Variants in ANKS1B observed in about 807,000 individuals in gnomAD.
ANKS1B encodes the protein ankyrin repeat and sterile alpha motif domain containing 1B.
In ANKS1B, 36 loss-of-function variants were observed where a neutral mutation model predicts 148.3. The ratio of observed to expected loss-of-function variants is 0.24; its 90% CI spans 0.19 to 0.32. The LOEUF (loss-of-function observed/expected upper bound fraction) is 0.32. Among genes scored for constraint, ANKS1B ranks in the 10% least tolerant of loss-of-function variants. The pLI, the probability that ANKS1B is intolerant of heterozygous loss-of-function variation, is 1.00. For synonymous variants in ANKS1B, 542 were observed against 560.8 expected, an observed-to-expected ratio of 0.97 and a Z score of 0.47; for missense variants, 1,157 against 1,542.6, an observed-to-expected ratio of 0.75 and a Z score of 4.19.
chr12:99,115,628 T>TA (rs34984761), intron 15 of ANKS1B, among the ~76,000 whole-genome samples: 1 of 151,054 alleles, frequency 6.6e-6, no homozygotes, highest in African/African-American at 2.4e-5. Context: ...AAATAAAAGT[T>TA]AAAAAAAAAA....
intron 4 of ANKS1B, among the ~76,000 whole-genome samples, chr12:99,782,637 A>G (rs894248958): frequency 2.0e-5 from 3 of 152,208 alleles, no homozygotes; most frequent in African/African-American, 4.8e-5. Flanking sequence ...CTCCTTAAGT[A>G]TAAAATAAGA....
chr12:99,173,877 G>A (rs1475148130), intron 14 of ANKS1B, among the ~76,000 whole-genome samples: 1 of 151,988 alleles, frequency 6.6e-6, no homozygotes. Context: ...TACTGGGATA[G>A]GTATATGACC....
At chr12:99,166,679 T>C (rs1311207489) in intron 14 of ANKS1B, among the ~76,000 whole-genome samples, 1 of 152,080 alleles carries the variant, frequency 6.6e-6, no homozygotes, top group African/African-American at 2.4e-5. Context: ...AACATATCTG[T>C]TCTTCCCAAA....
At chr12:99,955,241 A>T (rs2095299467) in intron 1 of ANKS1B, among the ~76,000 whole-genome samples, 2 of 152,116 alleles carry the variant, frequency 1.3e-5, no homozygotes, top group Admixed American at 6.5e-5. Flanking sequence ...CCCCAGGGTG[A>T]CAATATGGTT....
intron 12 of ANKS1B, among the ~76,000 whole-genome samples, chr12:99,383,960 T>C (rs138794783): frequency 6.6e-6 from 1 of 151,768 alleles, no homozygotes; most frequent in African/African-American, 2.4e-5. Context: ...CGCCTGGAAG[T>C]GTAGGCTGCA....
chr12:99,770,309 G>C (rs929262883), intron 8 of ANKS1B, among the ~76,000 whole-genome samples: 1 of 151,250 alleles, frequency 6.6e-6, no homozygotes, highest in Non-Finnish European at 1.5e-5. Context: ...AGTCTCCTTA[G>C]GATAGGTGTT....
intron 1 of ANKS1B, among the ~76,000 whole-genome samples, chr12:99,844,216 T>C (rs1352029886): frequency 6.6e-6 from 1 of 152,206 alleles, no homozygotes; most frequent in African/African-American, 2.4e-5. Flanking sequence ...CTGATGATAG[T>C]TTCTTTTGCT....
At chr12:99,431,792 T>C (rs1362790566) in intron 11 of ANKS1B, among the ~76,000 whole-genome samples, 1 of 152,180 alleles carries the variant, frequency 6.6e-6, no homozygotes, top group African/African-American at 2.4e-5. Context: ...ATCCTATTCT[T>C]CTCCCTGGAC....
At chr12:98,862,777 T>C (rs1054501389) in intron 17 of ANKS1B, among the ~76,000 whole-genome samples, 3 of 152,134 alleles carry the variant, frequency 2.0e-5, no homozygotes, top group Admixed American at 6.5e-5. Flanking sequence ...ACATGCCCCA[T>C]AAAAAAGCTG....
intron 8 of ANKS1B, among the ~76,000 whole-genome samples, chr12:99,750,956 T>A (rs1032157198): frequency 6.6e-6 from 1 of 152,098 alleles, no homozygotes; most frequent in African/African-American, 2.4e-5. Context: ...TAGCTTATGA[T>A]TATATCACTA....
intron 10 of ANKS1B, among the ~76,000 whole-genome samples, chr12:99,497,351 C>T (rs1041485116): frequency 6.6e-6 from 1 of 152,120 alleles, no homozygotes; most frequent in African/African-American, 2.4e-5. Context: ...TTGGTTGAAT[C>T]CATGGATGTG....
chr12:99,806,743 ATT>A (rs2067670017), intron 3 of ANKS1B, 43 bp from the exon 4 acceptor site: 4 of 1,559,124 alleles, frequency 2.6e-6, no homozygotes, highest in Admixed American at 1.8e-5. Flanking sequence ...CAGAAATTCA[ATT>A]TGTTATCAAA....
chr12:99,297,988 A>G (rs909926394), intron 12 of ANKS1B, among the ~76,000 whole-genome samples: 1 of 151,692 alleles, frequency 6.6e-6, no homozygotes, highest in Non-Finnish European at 1.5e-5. Context: ...GTGTGTCTGT[A>G]CGTGTGGCCT....
At chr12:99,365,728 C>G (rs1287447331) in intron 12 of ANKS1B, among the ~76,000 whole-genome samples, 1 of 152,000 alleles carries the variant, frequency 6.6e-6, no homozygotes, top group African/African-American at 2.4e-5. Context: ...GCTGGGGAGT[C>G]AGAAGCAACT....
At chr12:99,669,325 C>A (rs1435335793) in intron 8 of ANKS1B, among the ~76,000 whole-genome samples, 1 of 152,166 alleles carries the variant, frequency 6.6e-6, no homozygotes, top group Non-Finnish European at 1.5e-5. Flanking sequence ...AATGTCCCAC[C>A]ACACTTGGCT....
chr12:99,272,741 T>G (rs2077186188), intron 12 of ANKS1B, among the ~76,000 whole-genome samples: 1 of 152,232 alleles, frequency 6.6e-6, no homozygotes, highest in African/African-American at 2.4e-5. Context: ...TAATCATTTT[T>G]AAGGATAAAA....
chr12:99,950,444 T>C (rs1266085970), intron 1 of ANKS1B, among the ~76,000 whole-genome samples: 2 of 152,076 alleles, frequency 1.3e-5, no homozygotes, highest in African/African-American at 4.8e-5. Flanking sequence ...CATACTTTCC[T>C]TTCCCCGTAT....
At chr12:99,791,220 G>C (rs778075012) in intron 4 of ANKS1B, among the ~76,000 whole-genome samples, 4 of 151,944 alleles carry the variant, frequency 2.6e-5, no homozygotes, top group Non-Finnish European at 4.4e-5. Flanking sequence ...TTCAGCAAGA[G>C]GATATTACAA....
chr12:99,316,597 A>G (rs2084152453), intron 12 of ANKS1B, among the ~76,000 whole-genome samples: 1 of 152,202 alleles, frequency 6.6e-6, no homozygotes, highest in South Asian at 2.1e-4. Context: ...AGGTTGTAAA[A>G]ATGTTCTCCC....
Sources: gnomAD v4.1 joint callset for allele counts (sites outside exome capture counted in the v4.1 genomes callset) on GRCh38, gnomAD v4.1.1 for gene constraint, MANE v1.5 for transcripts, NCBI Gene and HGNC (gene_info 2026-07-23, HGNC 2026-07-21) for gene names.